The following AFG3L2 variants were observed in gnomAD, a reference collection of about 807,000 sequenced individuals.
The protein encoded by AFG3L2 is AFG3 like matrix AAA peptidase subunit 2, also known as mitochondrial inner membrane m-AAA protease component AFG3L2.
AFG3L2 carries 54 observed loss-of-function variants against 94.5 expected under a neutral mutation model. The ratio of observed to expected loss-of-function variants is 0.57; its 90% CI spans 0.46 to 0.72. The LOEUF is 0.72. Among genes scored for constraint, AFG3L2 ranks in the 30% least tolerant of loss-of-function variants. The pLI is 0.00. For synonymous variants in AFG3L2, 377 were observed against 365.5 expected (o/e 1.03, Z -0.36); for missense variants, 754 against 994.9 (o/e 0.76, Z 3.26).
chr18:12,329,994 A>C (rs966649846), intron 16 of AFG3L2, among the ~76,000 whole-genome samples: 2 of 152,252 alleles, frequency 1.3e-5, no homozygotes, highest in African/African-American at 4.8e-5. Context: ...TTTCCATACT[A>C]GACATATTTC....
chr18:12,333,123 A>G (rs1381890307), intron 16 of AFG3L2, among the ~76,000 whole-genome samples: 1 of 75,404 alleles, frequency 1.3e-5, no homozygotes, highest in African/African-American at 4.6e-5. Flanking sequence ...TATATAATAG[A>G]TTATATATAT....
chr18:12,361,456 G>C (rs146416030), intron 6 of AFG3L2, among the ~76,000 whole-genome samples: 1,547 of 152,152 alleles, frequency 0.01, 21 homozygotes, highest in African/African-American at 0.026. Flanking sequence ...AGATGAGCCT[G>C]GTCAAGATGG....
Position 12,377,104 on chromosome 18 carries a change from G to A in AFG3L2, c.-22C>T, listed in dbSNP as rs1180392021. 7.3e-7 allele frequency: 1 copy of A among 1,365,674 alleles called. No individual in the cohort carries two copies. The highest frequency in any genetic ancestry group is 9.5e-7 in the Non-Finnish European group (1 of 1,055,070). 84.6% of individuals were successfully genotyped at this position (1,365,674 alleles called of 1,614,324 possible). A position where few individuals can be genotyped will look rare whatever the true frequency, so the allele number is the denominator to read the frequency against. ...CCATGGCCGCCGCCGTGGCCCTCTC[G>A]GCCCGGGACGCTGCGCAGGCGCGGG... On this transcript the variant is annotated 5_prime_UTR_variant, in exon 1 of 17. Coordinates refer to ENST00000269143, the MANE Select transcript of AFG3L2 (RefSeq NM_006796.3).
At chr18:12,334,167 C>A (rs1008012175) in intron 16 of AFG3L2, among the ~76,000 whole-genome samples, 3 of 152,246 alleles carry the variant, frequency 2.0e-5, no homozygotes, top group African/African-American at 7.2e-5. Flanking sequence ...TTCTCCATAG[C>A]CTCCCTACCT....
At position 12,351,126 on chromosome 18, in the gene AFG3L2, T is replaced by G. The variant is rs762123700; in HGVS notation, c.1511A>C (p.Lys504Thr). ...TAAAGATGCCAGTTTTCTTGCCAAT[T>G]TATCCTTCTCCAGGGTACTGTCCAG... ...LKLDSTLEKD[K>T]LARKLASLTP... is the part of the protein sequence containing the mutation. The change falls in exon 12 of 17, where the codon AAA (lysine) becomes ACA (threonine). Residue 504 changes from lysine (K) to threonine (T), a missense_variant. Physicochemically the swap from Lys to Thr is moderately conservative, Grantham distance 78. This residue lies in a region of AFG3L2 where 279 missense variants were observed against 378.6 expected (regional missense o/e 0.74). Coordinates refer to ENST00000269143, the MANE Select transcript of AFG3L2 (RefSeq NM_006796.3). The G allele has an allele frequency of 2.5e-6, 4 of 1,613,840 alleles. No individual in the cohort carries two copies. The highest frequency in any genetic ancestry group is 3.4e-6 in the Non-Finnish European group (4 of 1,180,024).
At position 12,374,248 on chromosome 18, in the gene AFG3L2, A is replaced by C. The variant is rs376184454; in HGVS notation, c.115-2557T>G. ...TCTAGCATTCAAAGAATAATGTAAG[A>C]GATACTAATTCACAAAATTTAAGTT... On this transcript the variant is annotated intron_variant, in intron 1 of 16. Coordinates refer to ENST00000269143, the MANE Select transcript of AFG3L2 (RefSeq NM_006796.3). Among the ~76,000 whole-genome samples, 15 of 152,320 alleles carry C rather than the reference A, an allele frequency of 9.8e-5. No homozygotes were observed. The South Asian group carries it at 2.1e-3, about 21-fold the overall frequency.
intron 15 of AFG3L2, among the ~76,000 whole-genome samples, chr18:12,339,365 C>T (rs1478988368): frequency 6.6e-6 from 1 of 151,228 alleles, no homozygotes. Context: ...CCAGCCTGAC[C>T]AACATGGAGA....
Position 12,329,530 on chromosome 18 carries a change from C to T in AFG3L2, c.*35G>A, listed in dbSNP as rs1364719088. ...TGAAATAATGCACCAGCTGAAACCACAGTGGACAGACTGAGATGGCCTCCC... is the reference window on the plus strand; with the variant it reads ...TGAAATAATGCACCAGCTGAAACCATAGTGGACAGACTGAGATGGCCTCCC... On this transcript the variant is annotated 3_prime_UTR_variant, in exon 17 of 17. Transcript: ENST00000269143. 3 of 1,597,352 alleles carry T rather than the reference C, an allele frequency of 1.9e-6. No homozygotes were observed. The highest frequency in any genetic ancestry group is 1.7e-5 in the Admixed American group (1 of 60,000).
At chr18:12,334,120 G>A (rs1907670449) in intron 16 of AFG3L2, among the ~76,000 whole-genome samples, 1 of 152,236 alleles carries the variant, frequency 6.6e-6, no homozygotes, top group Admixed American at 6.5e-5. Context: ...GAGTCTGGAA[G>A]GCAATGGTTT....
intron 16 of AFG3L2, among the ~76,000 whole-genome samples, chr18:12,332,512 T>A (rs182349665): frequency 3.2e-4 from 49 of 152,212 alleles, no homozygotes; most frequent in Non-Finnish European, 5.4e-4. Context: ...TTTCAGTTTT[T>A]AAAAATTTTA....
At position 12,351,186 on chromosome 18, in the gene AFG3L2, G is replaced by C. The variant is rs1908304972; in HGVS notation, c.1451C>G (p.Ala484Gly). ...FIGPPDIKGR[A>G]SIFKVHLRPL... ...TCGGAGATGAACTTTGAAAATAGAA[G>C]CTCTTCCTTTTATGTCTGGTGGTCC... is the stretch of plus-strand genomic sequence containing the variant. Residue 484 changes from alanine (A) to glycine (G), a missense_variant, in exon 12 of 17, where the codon GCT becomes GGT. Transcript: ENST00000269143. 1.2e-6 allele frequency: 2 copies of C among 1,613,928 alleles called. No individual in the cohort carries two copies. Among genetic ancestry groups the C allele is most frequent in the Non-Finnish European group, 1.7e-6 (2 of 1,180,004 alleles).
At chr18:12,371,884 G>T (rs1344673780) in intron 1 of AFG3L2, among the ~76,000 whole-genome samples, 193 bp from the exon 2 acceptor site, 1 of 152,154 alleles carries the variant, frequency 6.6e-6, no homozygotes, top group Non-Finnish European at 1.5e-5. Context: ...AAAGAACCAG[G>T]AGACACACAT....
At chr18:12,337,089 T>A in intron 16 of AFG3L2, 1 of 607,866 alleles carries the variant, frequency 1.6e-6, no homozygotes, top group Non-Finnish European at 2.9e-6. Context: ...TTGTGGTTAC[T>A]GACAGACTTC....
chr18:12,356,625 A>G, intron 9 of AFG3L2, 69 bp downstream of exon 9: 1 of 1,607,920 alleles, frequency 6.2e-7, no homozygotes, highest in South Asian at 1.1e-5. Context: ...CATCTCTAGC[A>G]AGTGCCTCCA....
At chr18:12,361,476 G>A (rs781174628) in intron 6 of AFG3L2, among the ~76,000 whole-genome samples, 2 of 151,874 alleles carry the variant, frequency 1.3e-5, no homozygotes, top group Admixed American at 6.6e-5. Flanking sequence ...GTGAAACCCC[G>A]TCTCTACTAA....
intron 1 of AFG3L2, among the ~76,000 whole-genome samples, chr18:12,372,141 T>G (rs1479519681): frequency 1.3e-5 from 2 of 151,892 alleles, no homozygotes; most frequent in Non-Finnish European, 2.9e-5. Context: ...CCGTCTCTAC[T>G]AAAAATACAA....
intron 10 of AFG3L2, 148 bp from the exon 11 acceptor site, chr18:12,351,561 T>A: frequency 1.3e-6 from 1 of 775,704 alleles, no homozygotes; most frequent in East Asian, 2.7e-5. Flanking sequence ...TTTTTTTTTT[T>A]TTGAGACGGA....
At position 12,344,183 on chromosome 18, in the gene AFG3L2, T is replaced by G; in HGVS notation, c.1728A>C (p.Ala576=). ...GATACCAGCCGGCAACCGCATGGCC[T>G]GCTTCGTGGTATGCCACAGTCTTCT... ...EEKKTVAYHE[A]GHAVAGWYLE... is the part of the protein sequence containing the mutation. Residue 576 remains alanine, a synonymous_variant, in exon 14 of 17, where the codon GCA becomes GCC. Transcript: ENST00000269143. 6.2e-7 allele frequency: 1 copy of G among 1,614,156 alleles called. No homozygotes were observed. Among genetic ancestry groups the G allele is most frequent in the Non-Finnish European group, 8.5e-7 (1 of 1,180,030 alleles).
chr18:12,351,963 G>A (rs1387643821), intron 10 of AFG3L2, among the ~76,000 whole-genome samples: 2 of 152,112 alleles, frequency 1.3e-5, no homozygotes, highest in East Asian at 1.9e-4. Flanking sequence ...AAAGACAAAT[G>A]ACCAAATATT....
Sources: gnomAD v4.1 joint callset for allele counts (sites outside exome capture counted in the v4.1 genomes callset) on GRCh38, gnomAD v4.1.1 for gene constraint, gnomAD v4.1.1 regional missense constraint, MANE v1.5 for transcripts, NCBI Gene and HGNC (gene_info 2026-07-23, HGNC 2026-07-21) for gene names.